The following ZFHX3 variants were observed in gnomAD, a reference collection of about 807,000 sequenced individuals.
The protein encoded by ZFHX3 is zinc finger homeobox 3.
Under a neutral mutation model 279.1 loss-of-function variants are expected in ZFHX3, and 42 were observed. The observed-to-expected ratio is 0.15, with a 90% confidence interval of 0.12 to 0.19. ZFHX3 has a LOEUF of 0.19. ZFHX3 is among the 10% of genes least tolerant of loss of function. The pLI, the probability that ZFHX3 is intolerant of heterozygous loss-of-function variation, is 1.00. For synonymous variants in ZFHX3, 2,293 were observed against 1,957.8 expected, an observed-to-expected ratio of 1.17 and a Z score of -4.52; for missense variants, 4,981 against 4,754.0, an observed-to-expected ratio of 1.05 and a Z score of -1.40.
intron 3 of ZFHX3, among the ~76,000 whole-genome samples, chr16:73,407,369 CCACTGAATGGTGGTT>C (rs2017381705): frequency 6.6e-6 from 1 of 152,210 alleles, no homozygotes; most frequent in African/African-American, 2.4e-5. Flanking sequence ...TGCTGGTTTT[CCACTGAATGGTGGTT>C]CACCCCTTGG....
intron 1 of ZFHX3, among the ~76,000 whole-genome samples, chr16:73,721,508 T>C (rs2053473495): frequency 6.6e-6 from 1 of 152,176 alleles, no homozygotes; most frequent in African/African-American, 2.4e-5. Context: ...TTTATCTGTA[T>C]TAGTGAGCTA....
intron 1 of ZFHX3, among the ~76,000 whole-genome samples, chr16:73,817,780 C>T (rs1047130500): frequency 1.1e-4 from 16 of 152,062 alleles, no homozygotes; most frequent in Non-Finnish European, 1.9e-4. Flanking sequence ...CTATAAACGC[C>T]GAAAGAAATG....
At chr16:73,328,623 A>G (rs1009459660) in intron 3 of ZFHX3, among the ~76,000 whole-genome samples, 1 of 152,184 alleles carries the variant, frequency 6.6e-6, no homozygotes, top group Non-Finnish European at 1.5e-5. Flanking sequence ...CTGTATCCAG[A>G]GTTCTCTCTC....
At chr16:73,171,143 T>C (rs943324760) in intron 5 of ZFHX3, among the ~76,000 whole-genome samples, 9 of 152,100 alleles carry the variant, frequency 5.9e-5, no homozygotes, top group Admixed American at 4.6e-4. Context: ...GCACTTTTTT[T>C]CTCTGTGTAT....
At position 73,412,052 on chromosome 16, in the gene ZFHX3, A is replaced by G. The variant is rs1023825408; in HGVS notation, c.-1291+43951T>C. ...CCAATAAAAATAAATATCAGCCAGGATCTGTGGCTTATGTCTGTAATCCCA... is the reference window on the plus strand; with the variant it reads ...CCAATAAAAATAAATATCAGCCAGGGTCTGTGGCTTATGTCTGTAATCCCA... On this transcript the variant is annotated intron_variant, in intron 3 of 17. Coordinates refer to the ZFHX3 transcript ENST00000641206. Among the ~76,000 whole-genome samples the G allele has an allele frequency of 2.6e-5, 4 of 152,310 alleles. No homozygotes were observed. The South Asian group carries it at 8.3e-4, about 32-fold the overall frequency.
At chr16:73,442,297 T>C (rs910521277) in intron 3 of ZFHX3, among the ~76,000 whole-genome samples, 1 of 152,092 alleles carries the variant, frequency 6.6e-6, no homozygotes, top group Non-Finnish European at 1.5e-5. Flanking sequence ...CTTATATAGA[T>C]GAACCTTTTC....
intron 3 of ZFHX3, among the ~76,000 whole-genome samples, chr16:73,362,524 A>G (rs1254146087): frequency 1.3e-5 from 2 of 152,202 alleles, no homozygotes; most frequent in African/African-American, 4.8e-5. Context: ...CACACCACAC[A>G]CTTCACAGAG....
chr16:73,555,037 C>A (rs1352538691), intron 2 of ZFHX3, among the ~76,000 whole-genome samples: 1 of 152,170 alleles, frequency 6.6e-6, no homozygotes, highest in Admixed American at 6.5e-5. Flanking sequence ...CAATTTCTTT[C>A]CCTATTCCCT....
At chr16:73,493,304 T>C (rs1483361606) in intron 2 of ZFHX3, among the ~76,000 whole-genome samples, 1 of 152,186 alleles carries the variant, frequency 6.6e-6, no homozygotes, top group Non-Finnish European at 1.5e-5. Context: ...GCACATCAGA[T>C]GAACTGACAG....
intron 3 of ZFHX3, among the ~76,000 whole-genome samples, chr16:73,399,951 G>A (rs146892221): frequency 2.4e-3 from 361 of 152,060 alleles, no homozygotes; most frequent in Non-Finnish European, 4.4e-3. Context: ...AGCTAAGCCT[G>A]CATGCACAGT....
chr16:73,174,311 A>C (rs4399559), intron 5 of ZFHX3, among the ~76,000 whole-genome samples: 84 of 137,154 alleles, frequency 6.1e-4, no homozygotes, highest in African/African-American at 2.3e-3. Flanking sequence ...ACAACAACAA[A>C]AGGAGGAATA....
intron 4 of ZFHX3, among the ~76,000 whole-genome samples, chr16:72,843,513 TAA>T (rs59007764): frequency 0.033 from 1,308 of 39,296 alleles, 5 homozygotes; most frequent in Non-Finnish European, 0.056. Flanking sequence ...AGACTCCGTC[TAA>T]AAAAAAAAAA....
At chr16:73,803,671 T>G (rs1435681251) in intron 1 of ZFHX3, among the ~76,000 whole-genome samples, 1 of 152,232 alleles carries the variant, frequency 6.6e-6, no homozygotes, top group Admixed American at 6.5e-5. Context: ...CTATATTTTG[T>G]TAGACTTATT....
At chr16:73,533,016 C>CCAGTCTTCG (rs1349785410) in intron 2 of ZFHX3, among the ~76,000 whole-genome samples, 1 of 152,126 alleles carries the variant, frequency 6.6e-6, no homozygotes, top group African/African-American at 2.4e-5. Context: ...TATAAATTAC[C>CCAGTCTTCG]CAGTCTTCGG....
intron 4 of ZFHX3, among the ~76,000 whole-genome samples, chr16:73,286,106 G>A (rs2014589174): frequency 6.6e-6 from 1 of 152,048 alleles, no homozygotes; most frequent in Non-Finnish European, 1.5e-5. Flanking sequence ...GCTTTAGACG[G>A]GGCCAACCAA....
chr16:73,662,305 T>A (rs2052793795), intron 2 of ZFHX3, among the ~76,000 whole-genome samples: 1 of 152,210 alleles, frequency 6.6e-6, no homozygotes, highest in South Asian at 2.1e-4. Flanking sequence ...GAATTTTACA[T>A]CTGTGACATG....
intron 4 of ZFHX3, among the ~76,000 whole-genome samples, chr16:73,306,010 T>C (rs1408689837): frequency 6.6e-6 from 1 of 152,212 alleles, no homozygotes; most frequent in Admixed American, 6.5e-5. Context: ...GGATTCTGGC[T>C]CAGTGGAACC....
intron 5 of ZFHX3, among the ~76,000 whole-genome samples, chr16:73,207,039 T>C (rs1297084417): frequency 6.7e-6 from 1 of 148,610 alleles, no homozygotes; most frequent in Non-Finnish European, 1.5e-5. Flanking sequence ...AATAAATAAA[T>C]AAATAAATAA....
At chr16:73,168,133 A>G (rs1967417818) in intron 5 of ZFHX3, among the ~76,000 whole-genome samples, 1 of 151,928 alleles carries the variant, frequency 6.6e-6, no homozygotes, top group Admixed American at 6.6e-5. Flanking sequence ...AGTTCTTTTC[A>G]TTACTTTTGT....
Sources: allele counts gnomAD v4.1 joint callset (sites outside exome capture counted in the v4.1 genomes callset), GRCh38; gene constraint gnomAD v4.1.1; transcripts MANE v1.5; gene names NCBI Gene and HGNC (gene_info 2026-07-23, HGNC 2026-07-21).